Variants in CNOT2 observed in about 807,000 individuals in gnomAD.
The protein encoded by CNOT2 is CC chemokine receptor 4-negative regulator of transcription 2.
A neutral mutation model predicts 72.1 loss-of-function variants in CNOT2; 7 were observed. The ratio of observed to expected loss-of-function variants is 0.10; its 90% CI spans 0.06 to 0.18. The LOEUF (loss-of-function observed/expected upper bound fraction) is 0.18, where lower values mean the gene tolerates loss of function less well. Ranked by LOEUF, CNOT2 falls within the 10% of genes least tolerant of loss-of-function variation. The probability of loss-of-function intolerance (pLI) is 1.00; values close to 1 mark genes in which losing one functional copy is unlikely to be tolerated. For missense variants in CNOT2, 345 were observed against 660.3 expected (o/e 0.52, Z 5.23); for synonymous variants, 196 against 225.6 (o/e 0.87, Z 1.17).
chr12:70,276,131 C>T (rs1197515213), intron 1 of CNOT2, among the ~76,000 whole-genome samples: 1 of 151,774 alleles, frequency 6.6e-6, no homozygotes, highest in Non-Finnish European at 1.5e-5. Context: ...TACAAAAATC[C>T]ATAATTCTTC....
chr12:70,341,240 C>T (rs192258154), intron 11 of CNOT2, among the ~76,000 whole-genome samples: 1 of 152,212 alleles, frequency 6.6e-6, no homozygotes, highest in East Asian at 1.9e-4. Context: ...TTGTTTGTCC[C>T]CTAACCCCAC....
At chr12:70,338,388 T>A in intron 9 of CNOT2, 55 bp from the exon 10 acceptor site, 1 of 1,477,044 alleles carries the variant, frequency 6.8e-7, no homozygotes, top group East Asian at 2.3e-5. Context: ...ATATGTGAAC[T>A]TGAATTTGTA....
At position 70,263,075 on chromosome 12, in the gene CNOT2, C is replaced by A. The variant is rs116712607; in HGVS notation, c.-95-15057C>A. ...ATGTCATCCTACATCTTTCTGGCCA[C>A]CATTATTTCTAATGAAAAGTTAGTT... On this transcript the variant is annotated intron_variant, in intron 1 of 15. Transcript: ENST00000229195. Among the ~76,000 whole-genome samples the A allele has an allele frequency of 5.4e-3, 829 of 152,250 alleles. 8 individuals carry two copies. Among genetic ancestry groups the A allele is most frequent in the African/African-American group, 0.018 (764 of 41,544 alleles).
chr12:70,260,114 G>A (rs1310902503), intron 1 of CNOT2, among the ~76,000 whole-genome samples: 2 of 152,056 alleles, frequency 1.3e-5, no homozygotes, highest in African/African-American at 2.4e-5. Context: ...GTTCTTTTTC[G>A]AGATTGTTTT....
chr12:70,276,960 A>AT (rs549392771), intron 1 of CNOT2, among the ~76,000 whole-genome samples: 11 of 151,260 alleles, frequency 7.3e-5, no homozygotes, highest in Non-Finnish European at 1.5e-4. Context: ...TTCATTTTTA[A>AT]TTTTTTTTTA....
chr12:70,327,010 G>C (rs577959794), intron 4 of CNOT2, among the ~76,000 whole-genome samples: 9 of 151,930 alleles, frequency 5.9e-5, no homozygotes, highest in African/African-American at 2.2e-4. Flanking sequence ...TTGCTGGTCA[G>C]ATAACTTCCA....
At chr12:70,247,655 T>G (rs929053769) in intron 1 of CNOT2, among the ~76,000 whole-genome samples, 1 of 152,226 alleles carries the variant, frequency 6.6e-6, no homozygotes, top group Non-Finnish European at 1.5e-5. Context: ...ACTTCTATTA[T>G]AGAATGTCAC....
At chr12:70,305,387 A>G (rs1388375697) in intron 2 of CNOT2, among the ~76,000 whole-genome samples, 1 of 152,156 alleles carries the variant, frequency 6.6e-6, no homozygotes, top group Admixed American at 6.5e-5. Context: ...GTCACCTCCC[A>G]CGGGGTTCCT....
At chr12:70,249,300 A>C (rs1351045120) in intron 1 of CNOT2, among the ~76,000 whole-genome samples, 1 of 151,942 alleles carries the variant, frequency 6.6e-6, no homozygotes, top group Non-Finnish European at 1.5e-5. Flanking sequence ...CATTCCAAGC[A>C]CCTGACTACT....
rs35192504 is a variant in CNOT2 at position 70,353,913 on chromosome 12, TAAAAAA to T, written c.*18_*23del. 83 of 1,275,250 alleles carry T rather than the reference TAAAAAA, an allele frequency of 6.5e-5. No homozygotes were observed. The highest frequency in any genetic ancestry group is 2.0e-4 in the African/African-American group (9 of 44,328). The allele number at this position is 1,275,250 out of a possible 1,614,324, so 79.0% of individuals were successfully genotyped here. On this transcript the variant is annotated stop_retained_variant and 3_prime_UTR_variant, in exon 16 of 16. Coordinates refer to ENST00000229195, the MANE Select transcript of CNOT2 (RefSeq NM_014515.7). ...CTACAACCCTGCTCAGCAAGCCTTC[TAAAAAA>T]AAAAAAAAAAAAAAAAAAAGACTTC...
At chr12:70,335,661 C>A in intron 8 of CNOT2, 98 bp downstream of exon 8, 1 of 829,004 alleles carries the variant, frequency 1.2e-6, no homozygotes, top group Non-Finnish European at 1.9e-6. Flanking sequence ...TGTGTGTGTA[C>A]ACATGTATGT....
In CNOT2 at chr12:70,287,735, T is replaced by C. The variant is rs143035884; in HGVS notation, c.48+9461T>C. On this transcript the variant is annotated intron_variant, in intron 2 of 15. Transcript: ENST00000229195. Reference sequence around the variant, plus strand: ...TTTATAAATTTTTGTGTTTAGCCTGTGATAAATCCAACAATTGGAAGTTGT... The same window carrying C: ...TTTATAAATTTTTGTGTTTAGCCTGCGATAAATCCAACAATTGGAAGTTGT... 3.6e-3 allele frequency among the ~76,000 whole-genome samples: 546 copies of C among 150,260 alleles called. 34 individuals carry two copies. The highest frequency in any genetic ancestry group is 6.1e-3 in the Non-Finnish European group (413 of 67,642).
At chr12:70,294,867 A>G (rs1275290432) in intron 2 of CNOT2, among the ~76,000 whole-genome samples, 1 of 152,222 alleles carries the variant, frequency 6.6e-6, no homozygotes, top group African/African-American at 2.4e-5. Flanking sequence ...GTTAACAAAA[A>G]TAAGTATAGA....
chr12:70,330,627 A>T, intron 6 of CNOT2, 158 bp downstream of exon 6: 1 of 454,974 alleles, frequency 2.2e-6, no homozygotes. Flanking sequence ...TCACAAAACG[A>T]TACGTTTTCT....
At chr12:70,278,420 T>A (rs969960643) in intron 2 of CNOT2, 146 bp downstream of exon 2, 1 of 532,284 alleles carries the variant, frequency 1.9e-6, no homozygotes, top group Non-Finnish European at 3.3e-6. Context: ...AAGTACTGGA[T>A]TTGATAGTTG....
intron 15 of CNOT2, among the ~76,000 whole-genome samples, chr12:70,349,490 AGTCCATTCATAATATTTTAT>A (rs1593296824): frequency 1.3e-5 from 2 of 152,288 alleles, no homozygotes; most frequent in East Asian, 3.9e-4. Context: ...ATAATCCTGG[AGTCCATTCATAATATTTTAT>A]GTCCATTCAT....
At chr12:70,341,211 G>T (rs913288159) in intron 11 of CNOT2, among the ~76,000 whole-genome samples, 1 of 152,062 alleles carries the variant, frequency 6.6e-6, no homozygotes, top group Non-Finnish European at 1.5e-5. Context: ...TCACAGGCCT[G>T]CAAGGTCTTA....
chr12:70,252,815 T>A (rs1042275448), intron 1 of CNOT2, among the ~76,000 whole-genome samples: 8 of 152,218 alleles, frequency 5.3e-5, no homozygotes, highest in African/African-American at 1.9e-4. Flanking sequence ...TAACAATACT[T>A]ACCCAGTAGA....
At chr12:70,349,304 A>G (rs970920794) in intron 15 of CNOT2, among the ~76,000 whole-genome samples, 1 of 152,178 alleles carries the variant, frequency 6.6e-6, no homozygotes. Flanking sequence ...ATCCATTAAC[A>G]TGTCATGTCA....
Sources: allele counts gnomAD v4.1 joint callset (sites outside exome capture counted in the v4.1 genomes callset), GRCh38; gene constraint gnomAD v4.1.1; transcripts MANE v1.5; gene names NCBI Gene and HGNC (gene_info 2026-07-23, HGNC 2026-07-21).